Variants in MYO5B observed in about 807,000 individuals in gnomAD.
MYO5B encodes unconventional myosin-Vb.
Under a neutral mutation model 229.3 loss-of-function variants are expected in MYO5B, and 143 were observed. That is an observed-to-expected ratio of 0.62 (90% CI 0.54 to 0.72). The LOEUF is 0.72. Ranked by LOEUF, MYO5B falls within the 30% of genes least tolerant of loss-of-function variation. The pLI, the probability that MYO5B is intolerant of heterozygous loss-of-function variation, is 0.00. For missense variants in MYO5B, 2,321 were observed against 2,331.0 expected (o/e 1.00, Z 0.09); for synonymous variants, 918 against 885.2 (o/e 1.04, Z -0.66).
At chr18:50,089,330 A>C (rs1404901235) in intron 1 of MYO5B, among the ~76,000 whole-genome samples, 1 of 152,126 alleles carries the variant, frequency 6.6e-6, no homozygotes, top group Non-Finnish European at 1.5e-5. Context: ...GTGAGCCAAG[A>C]TCGCACCACT....
chr18:50,052,214 A>C lies in MYO5B; in HGVS notation c.138+3054T>G, dbSNP rs886890459. On this transcript the variant is annotated intron_variant, in intron 2 of 39. Transcript: ENST00000285039. ...GCCATCCCATTACTGGGTATATACC[A>C]AAAGGACTATAAATCATGCTGCTAT... Among the ~76,000 whole-genome samples the C allele has an allele frequency of 9.0e-3, 1,376 of 152,202 alleles. 16 individuals carry two copies. The highest frequency in any genetic ancestry group is 0.031 in the African/African-American group (1,269 of 41,494).
chr18:50,189,615 G>A (rs935638717), intron 1 of MYO5B, among the ~76,000 whole-genome samples: 1 of 152,156 alleles, frequency 6.6e-6, no homozygotes, highest in Non-Finnish European at 1.5e-5. Flanking sequence ...GAGTAAGGGG[G>A]AAACAATAGG....
intron 29 of MYO5B, among the ~76,000 whole-genome samples, chr18:49,861,048 C>T (rs902172052): frequency 1.3e-5 from 2 of 152,180 alleles, no homozygotes; most frequent in African/African-American, 2.4e-5. Flanking sequence ...AGAGGCAGGC[C>T]CACCATGGCC....
intron 1 of MYO5B, among the ~76,000 whole-genome samples, chr18:50,170,841 C>G (rs2032911065): frequency 7.8e-6 from 1 of 128,128 alleles, no homozygotes; most frequent in Admixed American, 8.4e-5. Context: ...AACAAGAGAT[C>G]AAGTAAGAGT....
rs1387220876 is a variant in MYO5B, at chr18:50,171,797, G to A, written c.27+22970C>T. 1.6e-5 allele frequency among the ~76,000 whole-genome samples: 2 copies of A among 127,530 alleles called. 1 individual carries two copies. Among genetic ancestry groups the A allele is most frequent in the East Asian group, 4.6e-4 (2 of 4,374 alleles). 83.7% of individuals were successfully genotyped at this position (127,530 alleles called of 152,430 possible). ...ACCATAAATGGTTATTGTTTAGTGAGTGTCAATCCCCACCCCATGTATTTC... is the reference window on the plus strand; with the variant it reads ...ACCATAAATGGTTATTGTTTAGTGAATGTCAATCCCCACCCCATGTATTTC... On this transcript the variant is annotated intron_variant, in intron 1 of 39. Transcript: ENST00000285039.
intron 4 of MYO5B, among the ~76,000 whole-genome samples, chr18:50,013,572 C>T (rs1281849002): frequency 3.3e-5 from 5 of 152,204 alleles, no homozygotes; most frequent in Non-Finnish European, 7.3e-5. Context: ...AACCCAAGAT[C>T]TTGCTTGTAG....
At chr18:50,186,612 GA>G (rs1244318023) in intron 1 of MYO5B, among the ~76,000 whole-genome samples, 1 of 152,078 alleles carries the variant, frequency 6.6e-6, no homozygotes, top group Non-Finnish European at 1.5e-5. Context: ...AGGGTTAGGG[GA>G]AAAAACATGC....
chr18:49,945,422 A>G (rs2025360578), intron 14 of MYO5B, among the ~76,000 whole-genome samples: 1 of 151,434 alleles, frequency 6.6e-6, no homozygotes, highest in Admixed American at 6.6e-5. Flanking sequence ...TCAAGTACCA[A>G]GTTCTGCCCA....
chr18:50,013,043 A>C (rs564553896), intron 4 of MYO5B, among the ~76,000 whole-genome samples: 3 of 152,342 alleles, frequency 2.0e-5, no homozygotes, highest in African/African-American at 4.8e-5. Context: ...TCTTTTATTC[A>C]TAAGTCTCTT....
At chr18:49,945,884 T>C (rs1423512370) in intron 14 of MYO5B, among the ~76,000 whole-genome samples, 1 of 151,978 alleles carries the variant, frequency 6.6e-6, no homozygotes, top group Non-Finnish European at 1.5e-5. Context: ...CATGGGGAAA[T>C]AATGGGAGGC....
At chr18:50,128,547 G>A (rs538941040) in intron 1 of MYO5B, among the ~76,000 whole-genome samples, 6 of 152,204 alleles carry the variant, frequency 3.9e-5, no homozygotes, top group South Asian at 2.1e-4. Context: ...TGTGGGGTGC[G>A]ATAGCAGCGC....
chr18:49,999,562 T>C (rs2026024276), intron 5 of MYO5B, among the ~76,000 whole-genome samples: 1 of 152,250 alleles, frequency 6.6e-6, no homozygotes, highest in African/African-American at 2.4e-5. Flanking sequence ...GGACAAGGCT[T>C]ATGCTGTAAT....
chr18:50,134,520 A>G (rs2144276097), intron 1 of MYO5B, among the ~76,000 whole-genome samples: 1 of 151,836 alleles, frequency 6.6e-6, no homozygotes, highest in African/African-American at 2.4e-5. Context: ...GCGCCATTGC[A>G]CTCCAGCCTG....
chr18:50,083,095 A>G (rs2031256309), intron 1 of MYO5B, among the ~76,000 whole-genome samples: 1 of 152,178 alleles, frequency 6.6e-6, no homozygotes, highest in African/African-American at 2.4e-5. Context: ...AGCTTAGGTA[A>G]GTGCTTTACT....
At chr18:50,018,124 G>C (rs2026235554) in intron 4 of MYO5B, among the ~76,000 whole-genome samples, 1 of 152,056 alleles carries the variant, frequency 6.6e-6, no homozygotes, top group South Asian at 2.1e-4. Flanking sequence ...GTCTTGTCCA[G>C]GCTGGATGGC....
intron 10 of MYO5B, among the ~76,000 whole-genome samples, chr18:49,963,651 C>G (rs2025589151): frequency 6.6e-6 from 1 of 152,128 alleles, no homozygotes; most frequent in Non-Finnish European, 1.5e-5. Context: ...TGGTCTCGAA[C>G]TCCTGGGCTC....
chr18:50,103,872 T>C (rs989093109), intron 1 of MYO5B, among the ~76,000 whole-genome samples: 5 of 151,892 alleles, frequency 3.3e-5, no homozygotes, highest in Non-Finnish European at 5.9e-5. Context: ...CAGTTCCAAA[T>C]GGGTAGGGCA....
At chr18:50,074,201 G>T (rs1020350907) in intron 1 of MYO5B, among the ~76,000 whole-genome samples, 1 of 152,126 alleles carries the variant, frequency 6.6e-6, no homozygotes, top group Non-Finnish European at 1.5e-5. Flanking sequence ...ACCTTGATAC[G>T]CCCATCAGAT....
intron 4 of MYO5B, among the ~76,000 whole-genome samples, chr18:50,018,409 C>A (rs1893983): frequency 0.98 from 148,897 of 152,266 alleles, 72,894 homozygotes; most frequent in East Asian, 1. Context: ...TTAACTTCTT[C>A]AATTGTTCAT....
Sources: allele counts gnomAD v4.1 joint callset (sites outside exome capture counted in the v4.1 genomes callset), GRCh38; gene constraint gnomAD v4.1.1; transcripts MANE v1.5; gene names NCBI Gene and HGNC (gene_info 2026-07-23, HGNC 2026-07-21).